The following GRIN3B variants were observed in gnomAD, a reference collection of about 807,000 sequenced individuals.
The protein encoded by GRIN3B is glutamate ionotropic receptor NMDA type subunit 3B.
In GRIN3B, 77 loss-of-function variants were observed where a neutral mutation model predicts 66.0. The observed-to-expected ratio is 1.17, with a 90% CI of 0.97 to 1.41. The LOEUF (loss-of-function observed/expected upper bound fraction) is 1.41. Ranked by LOEUF, GRIN3B falls within the 40% of genes most tolerant of loss-of-function variation. The pLI is 0.00. For synonymous variants in GRIN3B, 823 were observed against 749.7 expected, an observed-to-expected ratio of 1.10 and a Z score of -1.60; for missense variants, 1,787 against 1,564.5, an observed-to-expected ratio of 1.14 and a Z score of -2.40.
chr19:1,004,244 A>G (rs906569131), intron 2 of GRIN3B, among the ~76,000 whole-genome samples: 1 of 151,758 alleles, frequency 6.6e-6, no homozygotes, highest in Non-Finnish European at 1.5e-5. Flanking sequence ...AGAATGAACA[A>G]CTCCTGGAAA....
chr19:1,005,549 C>T lies in GRIN3B; in HGVS notation c.2048C>T (p.Pro683Leu), dbSNP rs1157609355. 1 of 1,586,764 alleles carries T rather than the reference C, an allele frequency of 6.3e-7. No homozygotes were observed. The highest frequency in any genetic ancestry group is 8.6e-7 in the Non-Finnish European group (1 of 1,164,132). Residue 683 changes from proline (P) to leucine (L), a missense_variant, in exon 3 of 9, where the codon CCC (proline) becomes CTC (leucine). Coordinates refer to ENST00000234389, the MANE Select transcript of GRIN3B (RefSeq NM_138690.3). This position sits in a 1 kb window ranked among gnomAD's most constrained non-coding sequence, Gnocchi z 5.2. ...GAGGAGCTGTCGGGGATCCACGACC[C>T]CAAGGTGGGCGGCCTCGGGGGGCTG... ...TFEELSGIHD[P>L]KLHHPAQGFR... is the part of the protein sequence containing the mutation.
intron 1 of GRIN3B, among the ~76,000 whole-genome samples, chr19:1,001,833 C>T (rs894069115): frequency 5.9e-5 from 9 of 152,116 alleles, no homozygotes; most frequent in Non-Finnish European, 1.0e-4. Context: ...GCCTGGGGCG[C>T]CCTCTGCTGC....
chr19:1,000,782 G>A lies in GRIN3B; in HGVS notation c.345G>A (p.Gln115=). Residue 115 remains glutamine (Q), a synonymous_variant, in exon 1 of 9, where the codon CAG becomes CAA. Transcript: ENST00000234389. ...AFPEARPELL[Q]LHFLAAATET... ...CCGAGGCTCGGCCCGAGCTGCTGCAGCTGCACTTCCTGGCGGCGGCCACCG... is the reference window on the plus strand; with the variant it reads ...CCGAGGCTCGGCCCGAGCTGCTGCAACTGCACTTCCTGGCGGCGGCCACCG... The A allele has an allele frequency of 6.9e-7, 1 of 1,451,620 alleles. No homozygotes were observed. The highest frequency in any genetic ancestry group is 9.0e-7 in the Non-Finnish European group (1 of 1,109,496). The allele number at this position is 1,451,620 out of a possible 1,614,324, so 89.9% of individuals were successfully genotyped here. A position where few individuals can be genotyped will look rare whatever the true frequency, so the allele number is the denominator to read the frequency against.
chr19:1,004,442 C>A lies in GRIN3B; in HGVS notation c.1020-79C>A, dbSNP rs377385711. On this transcript the variant is annotated intron_variant, in intron 2 of 8. Coordinates refer to ENST00000234389, the MANE Select transcript of GRIN3B (RefSeq NM_138690.3). Reference sequence around the variant, plus strand: ...ACGGACAAGAGCGACCAGTGGGAATCGGGCACGTGCTGGGCAGGGGTGAGA... The same window carrying A: ...ACGGACAAGAGCGACCAGTGGGAATAGGGCACGTGCTGGGCAGGGGTGAGA... 9 of 1,265,390 alleles carry A rather than the reference C, an allele frequency of 7.1e-6. No homozygotes were observed. The African/African-American group carries it at 1.2e-4, about 17-fold the overall frequency. 78.4% of individuals were successfully genotyped at this position (1,265,390 alleles called of 1,614,324 possible).
Position 1,007,804 on chromosome 19 carries a change from G to A in GRIN3B, c.2198+31G>A. On this transcript the variant is annotated intron_variant, in intron 4 of 8. Coordinates refer to ENST00000234389, the MANE Select transcript of GRIN3B (RefSeq NM_138690.3). This position sits in a 1 kb window ranked among gnomAD's most constrained non-coding sequence, Gnocchi z 4.4. ...CCCGGGCGCGGGGTGAGGCGGGGGC[G>A]GGGCGTGGGGTGGGCGGGGCGATGG... 1 of 1,515,758 alleles carries A rather than the reference G, an allele frequency of 6.6e-7. No homozygotes were observed. The highest frequency in any genetic ancestry group is 8.8e-7 in the Non-Finnish European group (1 of 1,131,484). The allele number at this position is 1,515,758 out of a possible 1,614,324, so 93.9% of individuals were successfully genotyped here. A position where few individuals can be genotyped will look rare whatever the true frequency, so the allele number is the denominator to read the frequency against.
rs1379813880 is a variant in GRIN3B, at chr19:1,007,761, T to G, written c.2186T>G (p.Val729Gly). The G allele has an allele frequency of 6.6e-7, 1 of 1,514,806 alleles. No homozygotes were observed. The highest frequency in any genetic ancestry group is 8.8e-7 in the Non-Finnish European group (1 of 1,132,628). The allele number at this position is 1,514,806 out of a possible 1,614,324, so 93.8% of individuals were successfully genotyped here. ...RHSAPTTPRG[V>G]AMLTSDPPKL... ...AGCGCGCCCACCACGCCCCGCGGCG[T>G]CGCCATGCTCACGTGAGCCCGGGCG... The change falls in exon 4 of 9, where the codon GTC becomes GGC. Residue 729 changes from valine (V) to glycine (G), a missense_variant. Transcript: ENST00000234389. The surrounding 1 kb of genome is among the most constrained non-coding windows in gnomAD (Gnocchi z 4.4).
In GRIN3B at chr19:1,004,722, C is replaced by T. The variant is rs763445947; in HGVS notation, c.1221C>T (p.Pro407=). The change falls in exon 3 of 9, where the codon CCC becomes CCT. Residue 407 remains proline, a synonymous_variant. Coordinates refer to ENST00000234389, the MANE Select transcript of GRIN3B (RefSeq NM_138690.3). ...GAGGTGCCTCTGCACGGCCCCCGCC[C>T]CCACAGGGTGCCCAGGTCTGGCCCA... ...EPGGASARPP[P]PQGAQVWPKL... The T allele has an allele frequency of 1.2e-6, 2 of 1,606,412 alleles. No individual in the cohort carries two copies. The highest frequency in any genetic ancestry group is 1.7e-6 in the Non-Finnish European group (2 of 1,175,552).
In GRIN3B at chr19:1,001,734, G is replaced by C. The variant is rs375132713; in HGVS notation, c.426+871G>C. Among the ~76,000 whole-genome samples the C allele has an allele frequency of 1.1e-4, 17 of 152,128 alleles. No individual in the cohort carries two copies. In the South Asian group the frequency reaches 3.5e-3, roughly 32 times the overall value. On this transcript the variant is annotated intron_variant, in intron 1 of 8. Coordinates refer to ENST00000234389, the MANE Select transcript of GRIN3B (RefSeq NM_138690.3). The stretch of plus-strand genomic sequence containing the variant: ...AGGGAGACCCTGACGCTAGAGGGGG[G>C]GTCTCTTAGCCCAGCTCTCCAGGTG...
chr19:1,003,877 G>A (rs1297704134), intron 2 of GRIN3B, among the ~76,000 whole-genome samples, 155 bp downstream of exon 2: 1 of 152,224 alleles, frequency 6.6e-6, no homozygotes, highest in Non-Finnish European at 1.5e-5. Context: ...ACTTGAGCTC[G>A]GGAGTTTGAG....
In GRIN3B at chr19:1,008,000, C is replaced by T. The variant is rs1317984519; in HGVS notation, c.2314+29C>T. On this transcript the variant is annotated intron_variant, in intron 5 of 8. Coordinates refer to ENST00000234389, the MANE Select transcript of GRIN3B (RefSeq NM_138690.3). This position sits in a 1 kb window ranked among gnomAD's most constrained non-coding sequence, Gnocchi z 4.4. ...AGAGGCACCTGGGCGAGGCGGGGCG[C>T]CGGGGTCTCTGGGGACCTCCTGGGG... The T allele has an allele frequency of 5.6e-6, 9 of 1,606,218 alleles. No homozygotes were observed. Among genetic ancestry groups the T allele is most frequent in the Non-Finnish European group, 7.7e-6 (9 of 1,174,808 alleles).
At position 1,007,771 on chromosome 19, in the gene GRIN3B, C is replaced by CA; in HGVS notation, c.2197dup (p.Thr733AsnfsTer39). 1 of 1,515,802 alleles carries CA rather than the reference C, an allele frequency of 6.6e-7. No homozygotes were observed. The highest frequency in any genetic ancestry group is 2.6e-5 in the East Asian group (1 of 37,972). The allele number at this position is 1,515,802 out of a possible 1,614,324, so 93.9% of individuals were successfully genotyped here. A position where few individuals can be genotyped will look rare whatever the true frequency, so the allele number is the denominator to read the frequency against. ...CCACGCCCCGCGGCGTCGCCATGCT[C>CA]ACGTGAGCCCGGGCGCGGGGTGAGG... On this transcript the variant is annotated frameshift_variant and splice_region_variant, in exon 4 of 9. Coordinates refer to ENST00000234389, the MANE Select transcript of GRIN3B (RefSeq NM_138690.3). LOFTEE classifies it high-confidence loss of function. The surrounding 1 kb of genome is among the most constrained non-coding windows in gnomAD (Gnocchi z 4.4).
In GRIN3B at chr19:1,007,647, G is replaced by T; in HGVS notation, c.2072G>T (p.Gly691Val). The T allele has an allele frequency of 6.6e-7, 1 of 1,523,562 alleles. No homozygotes were observed. Among genetic ancestry groups the T allele is most frequent in the East Asian group, 2.6e-5 (1 of 38,858 alleles). The allele number at this position is 1,523,562 out of a possible 1,614,324, so 94.4% of individuals were successfully genotyped here. Reference sequence around the variant, plus strand: ...GCGCAGCTGCACCACCCGGCGCAGGGCTTCCGCTTCGGCACCGTGTGGGAG... The same window carrying T: ...GCGCAGCTGCACCACCCGGCGCAGGTCTTCCGCTTCGGCACCGTGTGGGAG... ...HDPKLHHPAQGFRFGTVWESS... is the reference protein window; with the variant it reads ...HDPKLHHPAQVFRFGTVWESS... Residue 691 changes from glycine to valine, a missense_variant, in exon 4 of 9, where the codon GGC (glycine) becomes GTC (valine). Physicochemically the swap from Gly to Val is moderately radical, Grantham distance 109. Transcript: ENST00000234389. This position sits in a 1 kb window ranked among gnomAD's most constrained non-coding sequence, Gnocchi z 4.4.
rs748572980 is a variant in GRIN3B, at chr19:1,004,986, C to A, written c.1485C>A (p.Phe495Leu). The change falls in exon 3 of 9, where the codon TTC (phenylalanine) becomes TTA (leucine). Residue 495 changes from phenylalanine to leucine, a missense_variant. By Grantham distance (22) the Phe-to-Leu change is conservative. Transcript: ENST00000234389. ...ERLAEDTPFD[F>L]ELYLVGDGKY... ...TGGCGGAGGACACGCCCTTCGACTT[C>A]GAGCTGTACCTCGTGGGTGACGGCA... 5 of 1,611,888 alleles carry A rather than the reference C, an allele frequency of 3.1e-6. No individual in the cohort carries two copies. The Admixed American group carries it at 6.7e-5, about 22-fold the overall frequency.
chr19:1,004,499 ACCC>A lies in GRIN3B; in HGVS notation c.1020-16_1020-14del. On this transcript the variant is annotated intron_variant, in intron 2 of 8. Coordinates refer to ENST00000234389, the MANE Select transcript of GRIN3B (RefSeq NM_138690.3). The stretch of plus-strand genomic sequence containing the variant: ...AGGGGTGTGAACTTCGACACCTGAC[ACCC>A]CCCCCGCCCTGCCCCTAGGTTCCTG... The A allele has an allele frequency of 3.3e-6, 5 of 1,526,556 alleles. No individual in the cohort carries two copies. The highest frequency in any genetic ancestry group is 4.4e-6 in the Non-Finnish European group (5 of 1,128,566). The allele number at this position is 1,526,556 out of a possible 1,614,324, so 94.6% of individuals were successfully genotyped here. A position where few individuals can be genotyped will look rare whatever the true frequency, so the allele number is the denominator to read the frequency against.
intron 1 of GRIN3B, chr19:1,002,278 G>A (rs1876249438): frequency 6.6e-6 from 1 of 151,500 alleles, no homozygotes; most frequent in African/African-American, 2.4e-5. Context: ...CCTGCAGTTT[G>A]GGAGGCCGAG....
rs1294719776 is a variant in GRIN3B, at chr19:1,009,400, C to T, written c.2930C>T (p.Ala977Val). 3.5e-6 allele frequency: 5 copies of T among 1,409,136 alleles called. No individual in the cohort carries two copies. The highest frequency in any genetic ancestry group is 3.1e-5 in the African/African-American group (2 of 65,566). The allele number at this position is 1,409,136 out of a possible 1,614,324, so 87.3% of individuals were successfully genotyped here. Residue 977 changes from alanine to valine, a missense_variant, in exon 9 of 9, where the codon GCC (alanine) becomes GTC (valine). Ala to Val is a moderately conservative substitution (Grantham distance 64). Coordinates refer to ENST00000234389, the MANE Select transcript of GRIN3B (RefSeq NM_138690.3). The stretch of plus-strand genomic sequence containing the variant: ...CCGCCCGCCGCAAGGCCCACGGGGG[C>T]CCCCCAGCCCGGGGAGCTGCAGGAG... ...GRPPAARPTGAPQPGELQELE... is the reference protein window; with the variant it reads ...GRPPAARPTGVPQPGELQELE...
In GRIN3B at chr19:1,007,651, C is replaced by T; in HGVS notation, c.2076C>T (p.Phe692=). The T allele has an allele frequency of 1.3e-6, 2 of 1,524,574 alleles. No individual in the cohort carries two copies. Among genetic ancestry groups the T allele is most frequent in the Non-Finnish European group, 1.8e-6 (2 of 1,138,548 alleles). 94.4% of individuals were successfully genotyped at this position (1,524,574 alleles called of 1,614,324 possible). Residue 692 remains phenylalanine, a synonymous_variant, in exon 4 of 9, where the codon TTC becomes TTT. Transcript: ENST00000234389. This position sits in a 1 kb window ranked among gnomAD's most constrained non-coding sequence, Gnocchi z 4.4. ...AGCTGCACCACCCGGCGCAGGGCTT[C>T]CGCTTCGGCACCGTGTGGGAGAGCA... ...DPKLHHPAQG[F]RFGTVWESSA...
chr19:1,009,332 T>A lies in GRIN3B; in HGVS notation c.2862T>A (p.Ala954=). The change falls in exon 9 of 9, where the codon GCT becomes GCA. Residue 954 remains alanine (A), a synonymous_variant. Transcript: ENST00000234389. ...CCGAAGCGGACGCGGAGGCGGAGGCTGCGCCGCGAGAGGGCCCCGTCTGGC... is the reference window on the plus strand; with the variant it reads ...CCGAAGCGGACGCGGAGGCGGAGGCAGCGCCGCGAGAGGGCCCCGTCTGGC... ...VAPEADAEAE[A]APREGPVWLC... is the part of the protein sequence containing the mutation. The A allele has an allele frequency of 2.1e-6, 3 of 1,397,880 alleles. No homozygotes were observed. Among genetic ancestry groups the A allele is most frequent in the Non-Finnish European group, 2.8e-6 (3 of 1,085,392 alleles). The allele number at this position is 1,397,880 out of a possible 1,614,324, so 86.6% of individuals were successfully genotyped here.
rs1237221247 is a variant in GRIN3B at position 1,004,903 on chromosome 19, G to C, written c.1402G>C (p.Ala468Pro). The part of the protein sequence containing the change: ...ALFAALANGS[A>P]PRALRKCCYG... ...GTTCGCCGCGCTGGCCAACGGCTCAGCGCCCCGTGCCCTGCGCAAGTGCTG... is the reference window on the plus strand; with the variant it reads ...GTTCGCCGCGCTGGCCAACGGCTCACCGCCCCGTGCCCTGCGCAAGTGCTG... The change falls in exon 3 of 9, where the codon GCG becomes CCG. Residue 468 changes from alanine to proline, a missense_variant. Physicochemically the swap from Ala to Pro is conservative, Grantham distance 27. Coordinates refer to ENST00000234389, the MANE Select transcript of GRIN3B (RefSeq NM_138690.3). The C allele has an allele frequency of 3.1e-6, 5 of 1,602,020 alleles. No individual in the cohort carries two copies. In the South Asian group the frequency reaches 5.5e-5, roughly 18 times the overall value.
Sources: gnomAD v4.1 joint callset for allele counts (sites outside exome capture counted in the v4.1 genomes callset) on GRCh38, gnomAD v4.1.1 for gene constraint, Gnocchi (gnomAD v3.1) non-coding constraint, MANE v1.5 for transcripts, NCBI Gene and HGNC (gene_info 2026-07-23, HGNC 2026-07-21) for gene names.